The following CCDC7 variants were observed in gnomAD, a reference collection of about 807,000 sequenced individuals.
CCDC7 encodes coiled-coil domain-containing protein 7.
CCDC7 carries 183 observed loss-of-function variants against 196.9 expected under a neutral mutation model. The observed-to-expected ratio is 0.93, with a 90% CI of 0.82 to 1.05. CCDC7 has a LOEUF of 1.05. Among genes scored for constraint, CCDC7 ranks in the 50% least tolerant of loss-of-function variants. The probability of loss-of-function intolerance (pLI) is 0.00; values close to 1 mark genes in which losing one functional copy is unlikely to be tolerated. For synonymous variants in CCDC7, 525 were observed against 484.6 expected, an observed-to-expected ratio of 1.08 and a Z score of -1.10; for missense variants, 1,540 against 1,482.2, an observed-to-expected ratio of 1.04 and a Z score of -0.64.
At chr10:32,850,784 C>G (rs1472746622) in intron 39 of CCDC7, among the ~76,000 whole-genome samples, 1 of 27,942 alleles carries the variant, frequency 3.6e-5, no homozygotes, top group Non-Finnish European at 1.8e-4. Flanking sequence ...AACACACACA[C>G]ACACACACAC....
chr10:32,772,144 C>G lies in CCDC7; in HGVS notation c.2906-6833C>G, dbSNP rs373155943. On this transcript the variant is annotated intron_variant, in intron 28 of 41. Coordinates refer to ENST00000639629, the Ensembl canonical transcript of CCDC7. ...TCTGAGTCTCCCTGTGCAGGGCAAG[C>G]AGCAACCCCTGTGGGTGTTGGGGAA... 3.5e-4 allele frequency among the ~76,000 whole-genome samples: 54 copies of G among 152,320 alleles called. No homozygotes were observed. The East Asian group carries it at 6.9e-3, about 20-fold the overall frequency.
Position 32,619,618 on chromosome 10 carries a change from A to G in CCDC7, c.1802-14636A>G, listed in dbSNP as rs539136985. Reference sequence around the variant, plus strand: ...AATCTTATACTTGAATAATTAAAGCAGTGTGGTATTGATGCAAAAATAGAC... The same window carrying G: ...AATCTTATACTTGAATAATTAAAGCGGTGTGGTATTGATGCAAAAATAGAC... On this transcript the variant is annotated intron_variant, in intron 18 of 41. Transcript: ENST00000639629. 1.2e-3 allele frequency among the ~76,000 whole-genome samples: 188 copies of G among 152,290 alleles called. No individual in the cohort carries two copies. In the Middle Eastern group the frequency reaches 0.014, roughly 11 times the overall value.
At chr10:32,786,536 G>A (rs903502901) in intron 29 of CCDC7, among the ~76,000 whole-genome samples, 2 of 152,212 alleles carry the variant, frequency 1.3e-5, no homozygotes, top group African/African-American at 4.8e-5. Context: ...CAAGGCGGGT[G>A]GATCAATTGA....
chr10:32,736,190 G>C (rs763095598), intron 28 of CCDC7, among the ~76,000 whole-genome samples: 18 of 152,030 alleles, frequency 1.2e-4, no homozygotes, highest in Non-Finnish European at 1.8e-4. Context: ...ATTCCATTTT[G>C]ATTCCCACAG....
At chr10:32,683,489 C>T (rs1041620197) in intron 21 of CCDC7, among the ~76,000 whole-genome samples, 3 of 152,000 alleles carry the variant, frequency 2.0e-5, no homozygotes, top group African/African-American at 7.2e-5. Flanking sequence ...CTTTATTGCT[C>T]CATATGAATT....
At chr10:32,558,160 T>G (rs959339945) in intron 13 of CCDC7, among the ~76,000 whole-genome samples, 3 of 152,196 alleles carry the variant, frequency 2.0e-5, no homozygotes, top group African/African-American at 7.2e-5. Flanking sequence ...ATCTTAAGAA[T>G]TAGTTTCACT....
chr10:32,775,331 T>C (rs981159623), intron 28 of CCDC7, among the ~76,000 whole-genome samples: 2 of 151,968 alleles, frequency 1.3e-5, no homozygotes, highest in Non-Finnish European at 2.9e-5. Flanking sequence ...TTTCTGGGAG[T>C]TTTATAGGAA....
At chr10:32,824,463 A>G in intron 31 of CCDC7, 55 bp from the exon 33 acceptor site, 1 of 1,127,298 alleles carries the variant, frequency 8.9e-7, no homozygotes, top group Non-Finnish European at 1.3e-6. Context: ...ATGCACACAC[A>G]CATGTTAATA....
At chr10:32,454,611 G>A (rs2033902933) in intron 2 of CCDC7, among the ~76,000 whole-genome samples, 1 of 151,524 alleles carries the variant, frequency 6.6e-6, no homozygotes, top group Admixed American at 6.6e-5. Context: ...AAAATAAAAT[G>A]AAATTAAGTT....
intron 29 of CCDC7, among the ~76,000 whole-genome samples, chr10:32,782,983 G>C (rs1045835640): frequency 2.0e-5 from 3 of 152,098 alleles, no homozygotes; most frequent in Non-Finnish European, 2.9e-5. Flanking sequence ...GAATGAAGTT[G>C]AATCCTTACC....
At position 32,456,237 on chromosome 10, in the gene CCDC7, ATTC is replaced by A. The variant is rs1351560641; in HGVS notation, c.373-11_373-9del. 6.6e-7 allele frequency: 1 copy of A among 1,517,702 alleles called. No homozygotes were observed. The highest frequency in any genetic ancestry group is 8.9e-7 in the Non-Finnish European group (1 of 1,117,920). The allele number at this position is 1,517,702 out of a possible 1,614,324, so 94.0% of individuals were successfully genotyped here. A position where few individuals can be genotyped will look rare whatever the true frequency, so the allele number is the denominator to read the frequency against. ...CTTAAATGTAACTTTATGTTTTATTATTCTTTTCAAAAGGTTGGGGATGATATG... is the reference window on the plus strand; with the variant it reads ...CTTAAATGTAACTTTATGTTTTATTATTTTCAAAAGGTTGGGGATGATATG... On this transcript the variant is annotated splice_polypyrimidine_tract_variant and intron_variant, in intron 2 of 41. Coordinates refer to ENST00000639629, the Ensembl canonical transcript of CCDC7.
chr10:32,809,059 T>A (rs1362780247), intron 30 of CCDC7, among the ~76,000 whole-genome samples: 2 of 152,042 alleles, frequency 1.3e-5, no homozygotes, highest in African/African-American at 2.4e-5. Flanking sequence ...CCAACCAACA[T>A]CATAGATAGC....
intron 18 of CCDC7, among the ~76,000 whole-genome samples, chr10:32,627,827 A>G (rs1309531691): frequency 4.0e-5 from 6 of 151,870 alleles, no homozygotes; most frequent in Admixed American, 3.3e-4. Context: ...ATTGATTTGT[A>G]TGTATTGAAC....
At chr10:32,814,400 T>C in exon 31 of CCDC7, 1 of 1,612,338 alleles carries the variant, frequency 6.2e-7, no homozygotes, top group Non-Finnish European at 8.5e-7. Context: ...ACAGATGCAT[T>C]TGGAAGAGAT....
intron 31 of CCDC7, among the ~76,000 whole-genome samples, chr10:32,815,063 CCAA>C (rs908516387): frequency 2.6e-4 from 39 of 152,112 alleles, no homozygotes; most frequent in Admixed American, 9.8e-4. Flanking sequence ...CACCCCACCA[CCAA>C]CAACAACAAC....
intron 33 of CCDC7, 124 bp downstream of exon 34, chr10:32,835,022 TC>T: frequency 2.1e-6 from 1 of 486,420 alleles, no homozygotes; most frequent in East Asian, 3.5e-5. Flanking sequence ...ATGAATTTCC[TC>T]CTGTAATTTG....
intron 14 of CCDC7, among the ~76,000 whole-genome samples, chr10:32,566,474 T>C (rs1474528979): frequency 6.6e-6 from 1 of 152,152 alleles, no homozygotes; most frequent in Non-Finnish European, 1.5e-5. Context: ...GCTAAGACAA[T>C]TATAGTATAT....
At chr10:32,604,429 G>T (rs2061372513) in intron 18 of CCDC7, among the ~76,000 whole-genome samples, 1 of 152,022 alleles carries the variant, frequency 6.6e-6, no homozygotes, top group African/African-American at 2.4e-5. Context: ...TTCTTTTGTG[G>T]TTCTATAGAG....
chr10:32,763,776 T>G (rs1184812871), intron 28 of CCDC7, among the ~76,000 whole-genome samples: 1 of 151,700 alleles, frequency 6.6e-6, no homozygotes, highest in African/African-American at 2.4e-5. Flanking sequence ...AAAAGTCATA[T>G]TCATAGAAGT....
Sources: gnomAD v4.1 joint callset for allele counts (sites outside exome capture counted in the v4.1 genomes callset) on GRCh38, gnomAD v4.1.1 for gene constraint, MANE v1.5 for transcripts, NCBI Gene and HGNC (gene_info 2026-07-23, HGNC 2026-07-21) for gene names.